The following LTBP2 variants were observed in gnomAD, a reference collection of about 807,000 sequenced individuals.
LTBP2 encodes the protein latent transforming growth factor beta binding protein 2, also known as latent-transforming growth factor beta-binding protein 2.
In LTBP2, 103 loss-of-function variants were observed where a neutral mutation model predicts 210.6. The observed-to-expected ratio is 0.49, with a 90% CI of 0.42 to 0.58. The LOEUF (loss-of-function observed/expected upper bound fraction) is 0.58. LTBP2 is among the 20% of genes least tolerant of loss of function. The pLI is 0.00. For synonymous variants in LTBP2, 1,007 were observed against 1,015.0 expected, an observed-to-expected ratio of 0.99 and a Z score of 0.15; for missense variants, 2,313 against 2,494.5, an observed-to-expected ratio of 0.93 and a Z score of 1.55.
intron 3 of LTBP2, among the ~76,000 whole-genome samples, chr14:74,578,892 G>A (rs903933946): frequency 6.6e-6 from 1 of 152,192 alleles, no homozygotes; most frequent in African/African-American, 2.4e-5. Flanking sequence ...TTTTGCTCTT[G>A]TTGCCCAGGC....
chr14:74,544,572 C>T (rs1232082109), intron 8 of LTBP2, among the ~76,000 whole-genome samples: 2 of 152,128 alleles, frequency 1.3e-5, no homozygotes, highest in African/African-American at 2.4e-5. Flanking sequence ...CCTCATGCCC[C>T]CAGCACCCTC....
chr14:74,573,629 G>A (rs1422723941), intron 3 of LTBP2, among the ~76,000 whole-genome samples: 1 of 152,152 alleles, frequency 6.6e-6, no homozygotes, highest in Non-Finnish European at 1.5e-5. Context: ...AGACCTGGAG[G>A]GTAAGAGCTT....
chr14:74,524,718 G>C (rs1299331201), intron 15 of LTBP2, among the ~76,000 whole-genome samples: 1 of 152,080 alleles, frequency 6.6e-6, no homozygotes. Context: ...AGCCCTCCCC[G>C]TGGGCAGGCA....
intron 8 of LTBP2, 126 bp from the exon 9 acceptor site, chr14:74,536,126 G>T: frequency 1.3e-6 from 1 of 792,644 alleles, no homozygotes; most frequent in Non-Finnish European, 2.2e-6. Flanking sequence ...AGCCCCCGAA[G>T]CCATCGCCCT....
At position 74,507,282 on chromosome 14, in the gene LTBP2, G is replaced by C; in HGVS notation, c.3804C>G (p.Asp1268Glu). ...VDIDECEDYG[D>E]PVCGTWKCEN... ...CACACTTCCAGGTGCCACACACCGG[G>C]TCTCCATAGTCCTCACACTCGTCAA... Residue 1268 changes from aspartate (D) to glutamate (E), a missense_variant, in exon 26 of 36, where the codon GAC becomes GAG. This residue lies in a region of LTBP2 where 1,867 missense variants were observed against 1,976.9 expected (regional missense o/e 0.94). Transcript: ENST00000261978. The C allele has an allele frequency of 6.2e-7, 1 of 1,614,158 alleles. No homozygotes were observed. The highest frequency in any genetic ancestry group is 8.5e-7 in the Non-Finnish European group (1 of 1,179,998).
At chr14:74,596,747 G>C (rs1241911341) in intron 2 of LTBP2, among the ~76,000 whole-genome samples, 1 of 152,214 alleles carries the variant, frequency 6.6e-6, no homozygotes, top group East Asian at 1.9e-4. Flanking sequence ...TGAGAGGAAG[G>C]TGTCCCTGTA....
Position 74,522,869 on chromosome 14 carries a change from G to C in LTBP2, c.2580C>G (p.Thr860=). ...TGTATCCATCGGGGAGGTTCACGCA[G>C]GTTCCAGGGCCACAGACGTTGGTGG... The part of the protein sequence containing the change: ...AGATNVCGPG[T]CVNLPDGYRC... Residue 860 remains threonine, a synonymous_variant, in exon 16 of 36, where the codon ACC becomes ACG. Transcript: ENST00000261978. 1 of 1,612,926 alleles carries C rather than the reference G, an allele frequency of 6.2e-7. No individual in the cohort carries two copies. Among genetic ancestry groups the C allele is most frequent in the East Asian group, 2.2e-5 (1 of 44,866 alleles).
chr14:74,531,500 A>G (rs1476613801), intron 10 of LTBP2, among the ~76,000 whole-genome samples: 1 of 151,722 alleles, frequency 6.6e-6, no homozygotes, highest in Non-Finnish European at 1.5e-5. Context: ...TGTTCTCCCC[A>G]CTCTGGGCCC....
chr14:74,521,076 A>G (rs948465477), intron 17 of LTBP2, among the ~76,000 whole-genome samples: 29 of 152,136 alleles, frequency 1.9e-4, no homozygotes, highest in Non-Finnish European at 3.4e-4. Flanking sequence ...CCTTCCCTCC[A>G]TAATCAAGTG....
chr14:74,552,362 G>A lies in LTBP2; in HGVS notation c.1224C>T (p.Gly408=), dbSNP rs780173484. 3.1e-6 allele frequency: 5 copies of A among 1,610,598 alleles called. No individual in the cohort carries two copies. The highest frequency in any genetic ancestry group is 3.3e-5 in the Admixed American group (2 of 60,026). The change falls in exon 6 of 36, where the codon GGC becomes GGT. Residue 408 remains glycine, a synonymous_variant. Transcript: ENST00000261978. The part of the protein sequence containing the change: ...YFCQIPCLNG[G]RCIGRDECWC... ...AGCATTCGTCCCTGCCGATGCAGCG[G>A]CCTCCGTTCAGGCAGGGGATCTGGC...
intron 2 of LTBP2, among the ~76,000 whole-genome samples, chr14:74,596,215 A>G (rs1001443876): frequency 4.9e-5 from 7 of 143,022 alleles, no homozygotes; most frequent in African/African-American, 1.8e-4. Context: ...ACAGAGCCAG[A>G]TGCTGTTTCA....
chr14:74,579,861 TA>T (rs2088113902), intron 3 of LTBP2, among the ~76,000 whole-genome samples: 1 of 152,104 alleles, frequency 6.6e-6, no homozygotes, highest in Non-Finnish European at 1.5e-5. Context: ...TTGTGAGATG[TA>T]AAACAAAATG....
At chr14:74,542,546 C>A (rs1486324536) in intron 8 of LTBP2, among the ~76,000 whole-genome samples, 2 of 152,200 alleles carry the variant, frequency 1.3e-5, no homozygotes, top group Non-Finnish European at 2.9e-5. Flanking sequence ...CAGGGACAGA[C>A]ACATACATGC....
At chr14:74,503,076 C>G in intron 33 of LTBP2, 142 bp from the exon 34 acceptor site, 2 of 1,481,014 alleles carry the variant, frequency 1.4e-6, no homozygotes, top group Non-Finnish European at 1.9e-6. Context: ...CTCCCCTGCC[C>G]TACTTTGTCC....
At chr14:74,505,196 T>C in intron 28 of LTBP2, 22 bp from the exon 29 acceptor site, 2 of 1,610,022 alleles carry the variant, frequency 1.2e-6, no homozygotes, top group Admixed American at 3.3e-5. Context: ...AGATGCTCAT[T>C]ACTGTCTGTT....
In LTBP2 at chr14:74,528,530, C is replaced by T. The variant is rs762759973; in HGVS notation, c.2321G>A (p.Arg774Gln). The T allele has an allele frequency of 8.7e-6, 14 of 1,612,368 alleles. No homozygotes were observed. The highest frequency in any genetic ancestry group is 4.5e-5 in the East Asian group (2 of 44,902). Residue 774 changes from arginine (R) to glutamine (Q), a missense_variant, in exon 12 of 36, where the codon CGG (arginine) becomes CAG (glutamine). By Grantham distance (43) the Arg-to-Gln change is conservative (BLOSUM62 1). Coordinates refer to ENST00000261978, the MANE Select transcript of LTBP2 (RefSeq NM_000428.3). ...CTCAAGCCAGGTGTCCGTGACGACC[C>T]GGAGGGGCTGCCTCTCTGCTGGCCC... ...LPGPAERQPLRVVTDTWLEAG... is the reference protein window; with the variant it reads ...LPGPAERQPLQVVTDTWLEAG...
rs577626703 is a variant in LTBP2, at chr14:74,536,976, C to T, written c.1790-976G>A. ...TAGTTATTACATATAGTATCTACTA[C>T]ACTACATGCATGTTATATATATAAC... is the stretch of plus-strand genomic sequence containing the variant. On this transcript the variant is annotated intron_variant, in intron 8 of 35. Coordinates refer to ENST00000261978, the MANE Select transcript of LTBP2 (RefSeq NM_000428.3). 2.3e-4 allele frequency among the ~76,000 whole-genome samples: 35 copies of T among 152,124 alleles called. No homozygotes were observed. In the East Asian group the frequency reaches 6.0e-3, roughly 26 times the overall value.
chr14:74,521,015 C>T (rs755131892), intron 17 of LTBP2, among the ~76,000 whole-genome samples: 8 of 152,226 alleles, frequency 5.3e-5, no homozygotes, highest in Non-Finnish European at 1.2e-4. Flanking sequence ...GAACACTACC[C>T]GTGATTCTCC....
At chr14:74,535,592 C>G (rs985965539) in intron 9 of LTBP2, among the ~76,000 whole-genome samples, 2 of 152,214 alleles carry the variant, frequency 1.3e-5, no homozygotes, top group Non-Finnish European at 2.9e-5. Context: ...TCCAGGGAGA[C>G]CAGCTCAGGA....
Sources: allele counts gnomAD v4.1 joint callset (sites outside exome capture counted in the v4.1 genomes callset), GRCh38; gene constraint gnomAD v4.1.1; regional missense constraint gnomAD v4.1.1; transcripts MANE v1.5; gene names NCBI Gene and HGNC (gene_info 2026-07-23, HGNC 2026-07-21).